Variants in FHAD1 observed in about 807,000 individuals in gnomAD.
FHAD1 encodes the protein forkhead associated phosphopeptide binding domain 1.
FHAD1 carries 146 observed loss-of-function variants against 191.3 expected under a neutral mutation model. The observed-to-expected ratio is 0.76, with a 90% CI of 0.67 to 0.88. The LOEUF is 0.88. Ranked by LOEUF, FHAD1 falls within the 40% of genes least tolerant of loss-of-function variation. The pLI is 0.00. For missense variants in FHAD1, 1,635 were observed against 1,785.8 expected (o/e 0.92, Z 1.52); for synonymous variants, 616 against 672.3 (o/e 0.92, Z 1.29).
rs1677065104 is a variant in FHAD1, at chr1:15,323,485, C to A, written c.1366-967C>A. Reference sequence around the variant, plus strand: ...GAAACAGCTCACTGGGGACTGGCTGCACCCTGCCACTCAGAAGAAAGCTTT... The same window carrying A: ...GAAACAGCTCACTGGGGACTGGCTGAACCCTGCCACTCAGAAGAAAGCTTT... On this transcript the variant is annotated intron_variant, in intron 10 of 33. Transcript: ENST00000688493. Among the ~76,000 whole-genome samples, 5 of 152,320 alleles carry A rather than the reference C, an allele frequency of 3.3e-5. No individual in the cohort carries two copies. The South Asian group carries it at 1.0e-3, about 32-fold the overall frequency.
intron 14 of FHAD1, among the ~76,000 whole-genome samples, chr1:15,338,560 G>C (rs926627945): frequency 6.6e-5 from 10 of 152,134 alleles, no homozygotes; most frequent in African/African-American, 2.4e-4. Flanking sequence ...TTTTTGCCCT[G>C]TACGGTCACA....
At chr1:15,268,126 C>T (rs1309313107) in intron 2 of FHAD1, among the ~76,000 whole-genome samples, 2 of 148,752 alleles carry the variant, frequency 1.3e-5, no homozygotes, top group Admixed American at 6.7e-5. Context: ...GGTATATCTC[C>T]TAAAGCTATC....
chr1:15,332,397 A>C (rs929254096), intron 14 of FHAD1, among the ~76,000 whole-genome samples: 1 of 152,190 alleles, frequency 6.6e-6, no homozygotes, highest in Non-Finnish European at 1.5e-5. Flanking sequence ...AAATCTAGTC[A>C]TATATTATTG....
chr1:15,339,552 G>A lies in FHAD1; in HGVS notation c.1977+1G>A, dbSNP rs771863165. The A allele has an allele frequency of 1.6e-6, 2 of 1,274,822 alleles. No homozygotes were observed. Among genetic ancestry groups the A allele is most frequent in the South Asian group, 2.5e-5 (2 of 78,492 alleles). 79.0% of individuals were successfully genotyped at this position (1,274,822 alleles called of 1,614,324 possible). Reference sequence around the variant, plus strand: ...TATGAGCCAGGCCCAGGAACTTCAGGTAATTCTTTTAATTTCTTTTTTTCC... The same window carrying A: ...TATGAGCCAGGCCCAGGAACTTCAGATAATTCTTTTAATTTCTTTTTTTCC... On this transcript the variant is annotated splice_donor_variant, in intron 15 of 33. Transcript: ENST00000688493. LOFTEE classifies it high-confidence loss of function.
chr1:15,242,217 A>G (rs759893188), intron 1 of FHAD1, among the ~76,000 whole-genome samples: 71 of 142,942 alleles, frequency 5.0e-4, no homozygotes, highest in East Asian at 2.1e-4. Flanking sequence ...TGGGCAACAG[A>G]GCAAGACTCC....
chr1:15,395,245 C>T (rs974360117), intron 33 of FHAD1, among the ~76,000 whole-genome samples: 4 of 141,292 alleles, frequency 2.8e-5, no homozygotes, highest in African/African-American at 5.5e-5. Flanking sequence ...ACCCGGGAGG[C>T]GGAGGTGAGC....
At position 15,381,167 on chromosome 1, in the gene FHAD1, C is replaced by T. The variant is rs570551332; in HGVS notation, c.3802-64C>T. The T allele has an allele frequency of 6.4e-6, 7 of 1,086,860 alleles. No homozygotes were observed. The Admixed American group carries it at 1.6e-4, about 24-fold the overall frequency. The allele number at this position is 1,086,860 out of a possible 1,614,324, so 67.3% of individuals were successfully genotyped here. On this transcript the variant is annotated intron_variant, in intron 29 of 33. Transcript: ENST00000688493. This position sits in a 1 kb window ranked among gnomAD's most constrained non-coding sequence, Gnocchi z 4.6. The stretch of plus-strand genomic sequence containing the variant: ...GAATGAAACAGAATTAGACATTGGC[C>T]TCCTTAAAGCGGCCACCAGCGGCCG...
intron 33 of FHAD1, among the ~76,000 whole-genome samples, chr1:15,392,653 C>T (rs946697287): frequency 2.6e-5 from 4 of 152,140 alleles, no homozygotes; most frequent in African/African-American, 9.7e-5. Context: ...GAAGATGCGA[C>T]GTGGAAAATC....
At position 15,329,543 on chromosome 1, in the gene FHAD1, T is replaced by A; in HGVS notation, c.1906+2T>A. ...TCCTGCCCTCCAGCCCCAACAAAGG[T>A]TACTGGGACTTTTTTTCTCACATGG... On this transcript the variant is annotated splice_donor_variant, in intron 14 of 33. Transcript: ENST00000688493. LOFTEE classifies it high-confidence loss of function. The surrounding 1 kb of genome is among the most constrained non-coding windows in gnomAD (Gnocchi z 5.0). The A allele has an allele frequency of 1.3e-6, 2 of 1,549,412 alleles. No individual in the cohort carries two copies. Among genetic ancestry groups the A allele is most frequent in the Non-Finnish European group, 1.7e-6 (2 of 1,145,902 alleles).
intron 14 of FHAD1, among the ~76,000 whole-genome samples, chr1:15,336,428 C>T (rs1430851143): frequency 6.6e-6 from 1 of 152,140 alleles, no homozygotes; most frequent in African/African-American, 2.4e-5. Flanking sequence ...TTTATTCCTT[C>T]CCTCCATTAT....
chr1:15,379,736 C>T (rs1000763666), intron 28 of FHAD1, among the ~76,000 whole-genome samples: 2 of 152,220 alleles, frequency 1.3e-5, no homozygotes, highest in Non-Finnish European at 2.9e-5. Flanking sequence ...GTGGTGATGA[C>T]TCTTAAGGAG....
Position 15,311,174 on chromosome 1 carries a change from G to C in FHAD1, c.1040-1883G>C, listed in dbSNP as rs776478753. On this transcript the variant is annotated intron_variant, in intron 7 of 33. Coordinates refer to ENST00000688493, the MANE Select transcript of FHAD1 (RefSeq NM_001391957.1). This position sits in a 1 kb window ranked among gnomAD's most constrained non-coding sequence, Gnocchi z 4.1. ...CCAGACAGAGCCCAGTGGTCAGCCC[G>C]ACTTGAGGAGATGGAGGTGGAGAAG... is the stretch of plus-strand genomic sequence containing the variant. Among the ~76,000 whole-genome samples the C allele has an allele frequency of 2.6e-5, 4 of 152,262 alleles. No homozygotes were observed. Among genetic ancestry groups the C allele is most frequent in the Admixed American group, 2.6e-4 (4 of 15,296 alleles).
In FHAD1 at chr1:15,329,164, A is replaced by T. The variant is rs1285996520; in HGVS notation, c.1711-182A>T. On this transcript the variant is annotated intron_variant, in intron 13 of 33. Transcript: ENST00000688493. The surrounding 1 kb of genome is among the most constrained non-coding windows in gnomAD (Gnocchi z 5.0). ...CATCAAAAGTCCAAATTAGAGTATT[A>T]AAAAAAAACCTGTCAAAACATAAAA... The T allele has an allele frequency of 2.1e-6, 1 of 471,894 alleles. No individual in the cohort carries two copies. The highest frequency in any genetic ancestry group is 3.2e-5 in the East Asian group (1 of 30,982). The allele number at this position is 471,894 out of a possible 1,614,324, so 29.2% of individuals were successfully genotyped here.
intron 22 of FHAD1, 63 bp downstream of exon 22, chr1:15,360,766 G>A: frequency 7.4e-7 from 1 of 1,347,516 alleles, no homozygotes; most frequent in South Asian, 1.3e-5. Context: ...TGTCCGCTGG[G>A]TCCCAACAGG....
chr1:15,373,221 A>AAAAAGAC lies in FHAD1; in HGVS notation c.3448-1280_3448-1274dup, dbSNP rs377498622. Among the ~76,000 whole-genome samples, 440 of 152,278 alleles carry AAAAAGAC rather than the reference A, an allele frequency of 2.9e-3. 1 individual carries two copies. Among genetic ancestry groups the AAAAAGAC allele is most frequent in the African/African-American group, 0.01 (427 of 41,528 alleles). On this transcript the variant is annotated intron_variant, in intron 26 of 33. Transcript: ENST00000688493. ...AAGGGTACATGACCCTTAAAAGATG[A>AAAAAGAC]AAAAGACGGCTGGGCACAGTGGCTC...
chr1:15,363,474 C>T (rs945856946), intron 23 of FHAD1, among the ~76,000 whole-genome samples: 1 of 152,192 alleles, frequency 6.6e-6, no homozygotes, highest in Non-Finnish European at 1.5e-5. Flanking sequence ...GGGCAAGTCA[C>T]GCCACCTCAC....
At chr1:15,386,705 C>T (rs1253943615) in intron 31 of FHAD1, among the ~76,000 whole-genome samples, 6 of 152,228 alleles carry the variant, frequency 3.9e-5, no homozygotes, top group South Asian at 2.1e-4. Flanking sequence ...GCATTATGAG[C>T]TCAAGTTCCT....
intron 2 of FHAD1, among the ~76,000 whole-genome samples, chr1:15,261,046 A>C (rs148527162): frequency 7.2e-5 from 11 of 152,348 alleles, no homozygotes; most frequent in African/African-American, 2.2e-4. Flanking sequence ...CAGAGGAATC[A>C]GTAGGGTCAC....
chr1:15,277,288 G>A (rs556077949), intron 3 of FHAD1, among the ~76,000 whole-genome samples: 2 of 152,282 alleles, frequency 1.3e-5, no homozygotes, highest in East Asian at 3.9e-4. Flanking sequence ...TGCCTTAAAG[G>A]GGAAGCTCTT....
Sources: gnomAD v4.1 joint callset for allele counts (sites outside exome capture counted in the v4.1 genomes callset) on GRCh38, gnomAD v4.1.1 for gene constraint, Gnocchi (gnomAD v3.1) non-coding constraint, MANE v1.5 for transcripts, NCBI Gene and HGNC (gene_info 2026-07-23, HGNC 2026-07-21) for gene names.